Variants in ALK observed in about 807,000 individuals in gnomAD.
ALK encodes ALK tyrosine kinase receptor.
Under a neutral mutation model 163.1 loss-of-function variants are expected in ALK, and 74 were observed. The ratio of observed to expected loss-of-function variants is 0.45; its 90% CI spans 0.38 to 0.55. ALK has a LOEUF of 0.55. Among genes scored for constraint, ALK ranks in the 20% least tolerant of loss-of-function variants. ALK has a pLI of 0.00. For synonymous variants in ALK, 960 were observed against 843.2 expected (o/e 1.14, Z -2.40); for missense variants, 2,063 against 2,105.3 (o/e 0.98, Z 0.39).
At chr2:29,430,331 G>T (rs965996710) in intron 4 of ALK, among the ~76,000 whole-genome samples, 2 of 152,114 alleles carry the variant, frequency 1.3e-5, no homozygotes, top group African/African-American at 4.8e-5. Context: ...AATACATAAA[G>T]AATTCTTATA....
intron 1 of ALK, among the ~76,000 whole-genome samples, chr2:29,889,254 C>T (rs1667070117): frequency 6.6e-6 from 1 of 150,954 alleles, no homozygotes; most frequent in African/African-American, 2.4e-5. Flanking sequence ...TATATATACA[C>T]ATATATATAT....
intron 3 of ALK, among the ~76,000 whole-genome samples, chr2:29,546,989 T>C (rs182982668): frequency 8.2e-4 from 125 of 152,312 alleles, no homozygotes; most frequent in African/African-American, 2.7e-3. Flanking sequence ...TCACTGTTTG[T>C]CACCTGCTGC....
intron 1 of ALK, among the ~76,000 whole-genome samples, chr2:29,912,826 C>T (rs1202007129): frequency 3.3e-5 from 5 of 152,126 alleles, no homozygotes; most frequent in Non-Finnish European, 7.4e-5. Flanking sequence ...GTGTTCTCCT[C>T]ACCACAGAAC....
chr2:29,877,113 C>T (rs1006909231), intron 1 of ALK, among the ~76,000 whole-genome samples: 3 of 152,210 alleles, frequency 2.0e-5, no homozygotes, highest in Non-Finnish European at 2.9e-5. Flanking sequence ...ATCAGTGTCT[C>T]CTTTGACTCT....
At chr2:29,533,431 A>T (rs1028177691) in intron 3 of ALK, among the ~76,000 whole-genome samples, 2 of 152,160 alleles carry the variant, frequency 1.3e-5, no homozygotes, top group Non-Finnish European at 2.9e-5. Flanking sequence ...GACTTGTCCA[A>T]AGTCTTAGTT....
chr2:29,754,571 T>C (rs1289467740), intron 1 of ALK, among the ~76,000 whole-genome samples: 3 of 152,014 alleles, frequency 2.0e-5, no homozygotes, highest in East Asian at 3.9e-4. Context: ...ATGCCTGTGG[T>C]CCCAGCTACA....
At chr2:29,432,565 G>C (rs1221183932) in intron 4 of ALK, among the ~76,000 whole-genome samples, 2 of 152,046 alleles carry the variant, frequency 1.3e-5, no homozygotes, top group Non-Finnish European at 2.9e-5. Context: ...GTATGATAAC[G>C]AGGTCATTTA....
chr2:29,753,464 C>G (rs185623933), intron 1 of ALK, among the ~76,000 whole-genome samples: 61 of 152,254 alleles, frequency 4.0e-4, no homozygotes, highest in Middle Eastern at 3.4e-3. Context: ...CTGGCTTCCC[C>G]CTCTCTTAAG....
intron 1 of ALK, among the ~76,000 whole-genome samples, chr2:29,838,456 T>C (rs1306557024): frequency 6.6e-6 from 1 of 152,038 alleles, no homozygotes; most frequent in Non-Finnish European, 1.5e-5. Context: ...GATAGAAAGA[T>C]AAAAGATTTG....
At chr2:29,815,553 T>C (rs1664876123) in intron 1 of ALK, among the ~76,000 whole-genome samples, 1 of 152,196 alleles carries the variant, frequency 6.6e-6, no homozygotes, top group African/African-American at 2.4e-5. Context: ...GGAACTCTCC[T>C]GCTGTTGGGC....
At chr2:29,838,275 G>A (rs1350513076) in intron 1 of ALK, among the ~76,000 whole-genome samples, 4 of 152,008 alleles carry the variant, frequency 2.6e-5, no homozygotes, top group Non-Finnish European at 5.9e-5. Flanking sequence ...ATAAAAGTGA[G>A]ACAAAAAGTT....
intron 2 of ALK, among the ~76,000 whole-genome samples, chr2:29,705,240 AATATATATATATATATATATATATATAT>A (rs1172702963): frequency 4.2e-5 from 2 of 47,164 alleles, no homozygotes; most frequent in South Asian, 9.5e-4. Flanking sequence ...AAAGAAAAGA[AATATATATATATATATATATATATATAT>A]ATATATATAT....
At chr2:29,590,754 C>T (rs914409325) in intron 3 of ALK, among the ~76,000 whole-genome samples, 1 of 152,076 alleles carries the variant, frequency 6.6e-6, no homozygotes, top group African/African-American at 2.4e-5. Context: ...GGAGTTGAGC[C>T]TCATCTCTCT....
Position 29,299,541 on chromosome 2 carries a change from A to G in ALK, c.1648-2484T>C, listed in dbSNP as rs1666306189. Reference sequence around the variant, plus strand: ...GAAGCTCAGTTTCCTATTCTCTAAGATGAGAATAGTTTTATCTCTTATAGG... The same window carrying G: ...GAAGCTCAGTTTCCTATTCTCTAAGGTGAGAATAGTTTTATCTCTTATAGG... On this transcript the variant is annotated intron_variant, in intron 8 of 28. Coordinates refer to ENST00000389048, the MANE Select transcript of ALK (RefSeq NM_004304.5). Among the ~76,000 whole-genome samples, 7 of 152,206 alleles carry G rather than the reference A, an allele frequency of 4.6e-5. No homozygotes were observed. The South Asian group carries it at 1.4e-3, about 32-fold the overall frequency.
At chr2:29,221,114 C>CAGGGGGCAGGAGAGTGTCTT (rs1669791705) in intron 22 of ALK, 1 of 589,752 alleles carries the variant, frequency 1.7e-6, no homozygotes, top group Admixed American at 2.2e-5. Flanking sequence ...GGAAGTGTCT[C>CAGGGGGCAGGAGAGTGTCTT]AGGGGGCAGG....
intron 11 of ALK, among the ~76,000 whole-genome samples, chr2:29,270,990 G>A (rs1012293766): frequency 6.6e-6 from 1 of 152,214 alleles, no homozygotes; most frequent in Non-Finnish European, 1.5e-5. Context: ...CAAGGAAGAG[G>A]CCAGGATTTT....
At chr2:29,291,749 T>C (rs1238060558) in intron 9 of ALK, among the ~76,000 whole-genome samples, 2 of 152,224 alleles carry the variant, frequency 1.3e-5, no homozygotes, top group Admixed American at 1.3e-4. Context: ...TAGGGGTGTG[T>C]CTAGACCTGC....
At chr2:29,794,711 C>A (rs1664264572) in intron 1 of ALK, among the ~76,000 whole-genome samples, 1 of 152,130 alleles carries the variant, frequency 6.6e-6, no homozygotes, top group African/African-American at 2.4e-5. Flanking sequence ...GTAGAGCAAT[C>A]AGAGCACACA....
At chr2:29,394,978 C>T (rs964128385) in intron 4 of ALK, among the ~76,000 whole-genome samples, 1 of 152,064 alleles carries the variant, frequency 6.6e-6, no homozygotes, top group Non-Finnish European at 1.5e-5. Context: ...CAGTCTGCCT[C>T]CAGCTTGAGG....
Sources: allele counts gnomAD v4.1 joint callset (sites outside exome capture counted in the v4.1 genomes callset), GRCh38; gene constraint gnomAD v4.1.1; transcripts MANE v1.5; gene names NCBI Gene and HGNC (gene_info 2026-07-23, HGNC 2026-07-21).